C3: variants seen among roughly 807,000 people sequenced by gnomAD.
C3 encodes C3 and PZP-like alpha-2-macroglobulin domain-containing protein 1.
Under a neutral mutation model 207.9 loss-of-function variants are expected in C3, and 97 were observed. The observed-to-expected ratio is 0.47, with a 90% confidence interval of 0.40 to 0.55. C3 has a LOEUF of 0.55. Among genes scored for constraint, C3 ranks in the 20% least tolerant of loss-of-function variants. The pLI, the probability that C3 is intolerant of heterozygous loss-of-function variation, is 0.00. For synonymous variants in C3, 848 were observed against 857.6 expected, an observed-to-expected ratio of 0.99 and a Z score of 0.20; for missense variants, 1,684 against 2,171.7, an observed-to-expected ratio of 0.78 and a Z score of 4.46.
chr19:6,702,257 G>T, intron 18 of C3, 45 bp from the exon 19 acceptor site: 1 of 1,238,820 alleles, frequency 8.1e-7, no homozygotes, highest in Non-Finnish European at 1.2e-6. Flanking sequence ...TCATCTAGCA[G>T]GGTGGTAGAG....
chr19:6,694,712 C>T, intron 23 of C3, 78 bp from the exon 24 acceptor site: 4 of 1,379,606 alleles, frequency 2.9e-6, no homozygotes, highest in Non-Finnish European at 4.0e-6. Context: ...GGGTTCCAGC[C>T]TCCCAACCAG....
intron 4 of C3, 46 bp downstream of exon 4, chr19:6,718,048 C>A (rs756942149): frequency 6.3e-7 from 1 of 1,575,000 alleles, no homozygotes; most frequent in Non-Finnish European, 8.7e-7. Flanking sequence ...TTTGCCTCTC[C>A]TAAGCCTGTG....
At chr19:6,716,790 A>C (rs1048536928) in intron 4 of C3, 2 of 152,188 alleles carry the variant, frequency 1.3e-5, no homozygotes, top group African/African-American at 2.4e-5. Flanking sequence ...AGGACATGGC[A>C]GGAAGGAGGA....
chr19:6,682,358 A>C (rs1009511889), intron 33 of C3, 129 bp from the exon 34 acceptor site: 1 of 728,364 alleles, frequency 1.4e-6, no homozygotes, highest in Non-Finnish European at 2.5e-6. Flanking sequence ...GAGGGGCGTT[A>C]CATTTTTTAG....
At chr19:6,704,709 A>G (rs774480755) in intron 17 of C3, among the ~76,000 whole-genome samples, 13 of 152,114 alleles carry the variant, frequency 8.5e-5, no homozygotes, top group Non-Finnish European at 1.8e-4. Flanking sequence ...TAGTGAGCCA[A>G]GATTGCACCA....
chr19:6,689,924 G>A (rs1918127866), intron 27 of C3, among the ~76,000 whole-genome samples: 1 of 152,214 alleles, frequency 6.6e-6, no homozygotes, highest in African/African-American at 2.4e-5. Flanking sequence ...AAAGGGTGCA[G>A]TGAGCTGAGA....
chr19:6,712,204 A>C, intron 11 of C3, 53 bp downstream of exon 11: 1 of 1,608,234 alleles, frequency 6.2e-7, no homozygotes, highest in Non-Finnish European at 8.5e-7. Context: ...AAACACCAGA[A>C]CCCCTGTACC....
At chr19:6,689,320 T>TACCTACCTACCTACCTAC in intron 27 of C3, among the ~76,000 whole-genome samples, 1 of 72,386 alleles carries the variant, frequency 1.4e-5, no homozygotes, top group African/African-American at 6.4e-5. Flanking sequence ...TCTCTCTCTC[T>TACCTACCTACCTACCTAC]CTACCTACCT....
chr19:6,684,585 G>T lies in C3; in HGVS notation c.4095C>A (p.Val1365=). 6.2e-7 allele frequency: 1 copy of T among 1,613,938 alleles called. No individual in the cohort carries two copies. Among genetic ancestry groups the T allele is most frequent in the South Asian group, 1.1e-5 (1 of 91,054 alleles). ...CTGTTTCCGGTGCTGGTTTTATGGTGACCTTGAGGTCGAATTTATTACAGG... is the reference window on the plus strand; with the variant it reads ...CTGTTTCCGGTGCTGGTTTTATGGTTACCTTGAGGTCGAATTTATTACAGG... ...QLTCNKFDLK[V]TIKPAPETEK... Residue 1365 remains valine, a synonymous_variant, in exon 32 of 41, where the codon GTC becomes GTA. Coordinates refer to ENST00000245907, the MANE Select transcript of C3 (RefSeq NM_000064.4).
rs111073235 is a variant in C3 at position 6,710,142 on chromosome 19, G to A, written c.1687-300C>T. On this transcript the variant is annotated intron_variant, in intron 13 of 40. Transcript: ENST00000245907. The stretch of plus-strand genomic sequence containing the variant: ...GGGGGGAGAGAGGGAAAGGGAAAGA[G>A]GGAGAGAAAGGGAGAGGGAGAGAGA... 0.34 allele frequency among the ~76,000 whole-genome samples: 45,697 copies of A among 132,506 alleles called. 8,928 individuals carry two copies. The highest frequency in any genetic ancestry group is 0.49 in the African/African-American group (16,265 of 33,200). The allele number at this position is 132,506 out of a possible 152,430, so 86.9% of individuals were successfully genotyped here.
intron 33 of C3, chr19:6,683,481 T>G (rs1340183115): frequency 7.4e-6 from 1 of 134,990 alleles, no homozygotes; most frequent in Non-Finnish European, 1.6e-5. Flanking sequence ...GACAGAGTCT[T>G]GCTCTTTCGC....
At position 6,719,390 on chromosome 19, in the gene C3, T is replaced by C; in HGVS notation, c.88A>G (p.Thr30Ala). 1 of 1,613,460 alleles carries C rather than the reference T, an allele frequency of 6.2e-7. No homozygotes were observed. The highest frequency in any genetic ancestry group is 8.5e-7 in the Non-Finnish European group (1 of 1,179,810). Residue 30 changes from threonine (T) to alanine (A), a missense_variant, in exon 2 of 41, where the codon ACC (threonine) becomes GCC (alanine). Physicochemically the swap from Thr to Ala is moderately conservative, Grantham distance 58 (BLOSUM62 0). Transcript: ENST00000245907. The surrounding 1 kb of genome is among the most constrained non-coding windows in gnomAD (Gnocchi z 5.4). Reference protein sequence around the residue: ...ALGSPMYSIITPNILRLESEE... With the variant: ...ALGSPMYSIIAPNILRLESEE... Reference sequence around the variant, plus strand: ...CTCTCCAGCCGCAAGATGTTGGGGGTGATGATAGAGTACCTGTCGGAGTGG... The same window carrying C: ...CTCTCCAGCCGCAAGATGTTGGGGGCGATGATAGAGTACCTGTCGGAGTGG...
intron 4 of C3, chr19:6,717,662 T>A (rs1968065382): frequency 6.1e-6 from 2 of 327,172 alleles, no homozygotes; most frequent in Admixed American, 8.7e-5. Context: ...GGTGTGGTTA[T>A]GTATGTTGTG....
intron 40 of C3, 27 bp downstream of exon 40, chr19:6,678,125 G>C: frequency 1.9e-6 from 3 of 1,614,100 alleles, no homozygotes; most frequent in South Asian, 2.2e-5. Context: ...TCGGGCGGTC[G>C]CGCGCACGCG....
Position 6,709,752 on chromosome 19 carries a change from C to T in C3, c.1777G>A (p.Val593Met). 1 of 1,614,058 alleles carries T rather than the reference C, an allele frequency of 6.2e-7. No individual in the cohort carries two copies. Among genetic ancestry groups the T allele is most frequent in the Non-Finnish European group, 8.5e-7 (1 of 1,180,042 alleles). Residue 593 changes from valine to methionine, a missense_variant, in exon 14 of 41, where the codon GTG becomes ATG. By Grantham distance (21) the Val-to-Met change is conservative. Around this residue, in one of 3 missense-constraint regions of C3, gnomAD observed 1,280 missense variants for 1,739.1 expected, o/e 0.74. Transcript: ENST00000245907. ...CCCTTGTCCACGGCCACCAGTACCA[C>T]CCGGGCCCCGTGGTCACCCTCTATC... ...LKIEGDHGAR[V>M]VLVAVDKGVF...
In C3 at chr19:6,682,130, A is replaced by C; in HGVS notation, c.4260+12T>G. 6.2e-7 allele frequency: 1 copy of C among 1,612,348 alleles called. No homozygotes were observed. Among genetic ancestry groups the C allele is most frequent in the Non-Finnish European group, 8.5e-7 (1 of 1,178,432 alleles). On this transcript the variant is annotated intron_variant, in intron 34 of 40. Transcript: ENST00000245907. ...TCCTTTCCACTTATCCCAGCTCCTG[A>C]GCCCTTCATACCTGCTTCAGGTCAT...
chr19:6,686,052 C>A, intron 29 of C3, 72 bp downstream of exon 29: 1 of 1,491,382 alleles, frequency 6.7e-7, no homozygotes, highest in Non-Finnish European at 9.3e-7. Context: ...GCCTCAGTGT[C>A]TTCTCTAGGA....
In C3 at chr19:6,697,455, G is replaced by A. The variant is rs138884408; in HGVS notation, c.2685C>T (p.Ser895=). 3.4e-4 allele frequency: 553 copies of A among 1,613,894 alleles called. 5 individuals carry two copies. The African/African-American group carries it at 6.5e-3, about 19-fold the overall frequency. ...TVTIPPKSSL[S]VPYVIVPLKT... ...TTAGCGGCACGATGACATATGGAAC[G>A]GACAACGAGGACTTGGGGGGGATGG... The change falls in exon 21 of 41, where the codon TCC becomes TCT. Residue 895 remains serine, a synonymous_variant. Transcript: ENST00000245907.
At chr19:6,678,131 A>ACG (rs1252176040) in intron 40 of C3, 21 bp downstream of exon 40, 1 of 1,613,968 alleles carries the variant, frequency 6.2e-7, no homozygotes, top group Non-Finnish European at 8.5e-7. Flanking sequence ...GGTCGCGCGC[A>ACG]CGCGCAGGGA....
Sources: gnomAD v4.1 joint callset for allele counts (sites outside exome capture counted in the v4.1 genomes callset) on GRCh38, gnomAD v4.1.1 for gene constraint, gnomAD v4.1.1 regional missense constraint, Gnocchi (gnomAD v3.1) non-coding constraint, MANE v1.5 for transcripts, NCBI Gene and HGNC (gene_info 2026-07-23, HGNC 2026-07-21) for gene names.